GALNS: variants seen among roughly 807,000 people sequenced by gnomAD.
GALNS encodes N-acetylgalactosamine-6-sulfatase.
A neutral mutation model predicts 65.9 loss-of-function variants in GALNS; 65 were observed. The observed-to-expected ratio is 0.99, with a 90% CI of 0.81 to 1.21. GALNS has a LOEUF of 1.21. Ranked by LOEUF, GALNS falls within the 50% of genes most tolerant of loss-of-function variation. The pLI, the probability that GALNS is intolerant of heterozygous loss-of-function variation, is 0.00. For synonymous variants in GALNS, 346 were observed against 288.9 expected, an observed-to-expected ratio of 1.20 and a Z score of -2.00; for missense variants, 776 against 700.7, an observed-to-expected ratio of 1.11 and a Z score of -1.21.
intron 6 of GALNS, among the ~76,000 whole-genome samples, 169 bp downstream of exon 6, chr16:88,836,032 T>C (rs986329286): frequency 5.3e-5 from 8 of 150,434 alleles, no homozygotes; most frequent in Non-Finnish European, 1.2e-4. Context: ...GATGGTGCGG[T>C]CCCCGTCCCC....
chr16:88,832,622 A>G (rs1195789034), intron 8 of GALNS, among the ~76,000 whole-genome samples: 2 of 152,154 alleles, frequency 1.3e-5, no homozygotes, highest in Admixed American at 6.5e-5. Context: ...AGGCCATCTC[A>G]GGTGACTACA....
intron 1 of GALNS, among the ~76,000 whole-genome samples, chr16:88,850,911 G>T (rs978687705): frequency 1.3e-5 from 2 of 152,246 alleles, no homozygotes; most frequent in African/African-American, 2.4e-5. Context: ...AAGGTGAGCT[G>T]CTCCTATCAG....
At chr16:88,845,817 C>A (rs1446035449) in intron 1 of GALNS, among the ~76,000 whole-genome samples, 1 of 150,296 alleles carries the variant, frequency 6.7e-6, no homozygotes, top group Non-Finnish European at 1.5e-5. Context: ...CACAGCAAGA[C>A]TCCAACTCTA....
In GALNS at chr16:88,842,819, C is replaced by T. The variant is rs1237852382; in HGVS notation, c.131G>A (p.Gly44Asp). 24 of 1,613,300 alleles carry T rather than the reference C, an allele frequency of 1.5e-5. No individual in the cohort carries two copies. Among genetic ancestry groups the T allele is most frequent in the Non-Finnish European group, 1.9e-5 (22 of 1,179,990 alleles). ...GGGCTCTCCATACACCCCGAGGTCA[C>T]CCCATCCCATCTGCAGGGAAGAGCA... is the stretch of plus-strand genomic sequence containing the variant. ...LLLLMDDMGWGDLGVYGEPSR... is the reference protein window; with the variant it reads ...LLLLMDDMGWDDLGVYGEPSR... Residue 44 changes from glycine (G) to aspartate (D), a missense_variant, in exon 2 of 14, where the codon GGT becomes GAT. Coordinates refer to ENST00000268695, the MANE Select transcript of GALNS (RefSeq NM_000512.5).
At chr16:88,842,079 G>A (rs572723394) in intron 2 of GALNS, 108 bp from the exon 3 acceptor site, 54 of 1,000,472 alleles carry the variant, frequency 5.4e-5, no homozygotes, top group African/African-American at 4.2e-4. Context: ...GACGAGGCAC[G>A]CGCAGGTTTA....
At position 88,814,152 on chromosome 16, in the gene GALNS, A is replaced by AT; in HGVS notation, c.*286dup. ...CAAAATAAACTGAGACTGGTCTCAG[A>AT]TATTTGGGGTTCACAAAGGCGTGAG... On this transcript the variant is annotated 3_prime_UTR_variant, in exon 14 of 14. Transcript: ENST00000268695. 1 of 526,436 alleles carries AT rather than the reference A, an allele frequency of 1.9e-6. No homozygotes were observed. The allele number at this position is 526,436 out of a possible 1,614,324, so 32.6% of individuals were successfully genotyped here.
At chr16:88,839,251 C>T (rs1015200397) in intron 4 of GALNS, among the ~76,000 whole-genome samples, 2 of 145,498 alleles carry the variant, frequency 1.4e-5, no homozygotes, top group East Asian at 2.0e-4. Context: ...CGCCCACGTC[C>T]GCAGGTCACC....
At chr16:88,823,699 C>T (rs1306631969) in intron 11 of GALNS, among the ~76,000 whole-genome samples, 1 of 127,134 alleles carries the variant, frequency 7.9e-6, no homozygotes. Context: ...GCGGCAATGC[C>T]GGGGACCGAT....
In GALNS at chr16:88,815,169, AC is replaced by A. The variant is rs1909494494; in HGVS notation, c.1483-645del. On this transcript the variant is annotated intron_variant, in intron 13 of 13. Transcript: ENST00000268695. ...GAATCATGGGAACTTGGGAGATGGC[AC>A]CCTCTTGACTCGGCCTCTCAGCTCT... is the stretch of plus-strand genomic sequence containing the variant. 3.0e-6 allele frequency: 3 copies of A among 985,454 alleles called. No homozygotes were observed. The African/African-American group carries it at 5.2e-5, about 17-fold the overall frequency. 61.0% of individuals were successfully genotyped at this position (985,454 alleles called of 1,614,324 possible).
In GALNS at chr16:88,843,315, T is replaced by C. The variant is rs181418727; in HGVS notation, c.121-486A>G. 8.2e-5 allele frequency: 66 copies of C among 803,330 alleles called. No homozygotes were observed. In the African/African-American group the frequency reaches 1.1e-3, roughly 14 times the overall value. The allele number at this position is 803,330 out of a possible 1,614,324, so 49.8% of individuals were successfully genotyped here. A position where few individuals can be genotyped will look rare whatever the true frequency, so the allele number is the denominator to read the frequency against. ...ATCGTGTGACCCTGCAGTTCCACGC[T>C]GCAACTCCACTCCTAGCTGTACACC... On this transcript the variant is annotated intron_variant, in intron 1 of 13. Transcript: ENST00000268695.
At position 88,854,960 on chromosome 16, in the gene GALNS, G is replaced by C. The variant is rs143562534; in HGVS notation, c.120+1798C>G. ...TGGAGGCCACAGAACAGGTGCCCAG[G>C]TGGGCGGGGCTTCCTGTCACCCTCC... On this transcript the variant is annotated intron_variant, in intron 1 of 13. Transcript: ENST00000268695. Among the ~76,000 whole-genome samples the C allele has an allele frequency of 2.1e-3, 322 of 152,306 alleles. 3 individuals carry two copies. Among genetic ancestry groups the C allele is most frequent in the African/African-American group, 7.5e-3 (311 of 41,572 alleles).
chr16:88,825,225 T>C (rs1340222528), intron 10 of GALNS, among the ~76,000 whole-genome samples: 1 of 96,012 alleles, frequency 1.0e-5, no homozygotes, highest in Admixed American at 1.1e-4. Context: ...GGCGCCTGGG[T>C]GTCTGGGGCT....
At chr16:88,817,848 A>C (rs1909793501) in intron 13 of GALNS, among the ~76,000 whole-genome samples, 159 bp downstream of exon 13, 1 of 152,042 alleles carries the variant, frequency 6.6e-6, no homozygotes, top group South Asian at 2.1e-4. Context: ...CGAATCCCGG[A>C]CGCCGCCGCG....
chr16:88,853,080 G>A (rs867346295), intron 1 of GALNS, among the ~76,000 whole-genome samples: 2 of 151,778 alleles, frequency 1.3e-5, no homozygotes, highest in African/African-American at 2.4e-5. Flanking sequence ...GTGAAACCCC[G>A]TCTCCACTAG....
At chr16:88,824,590 C>A (rs576186390) in intron 11 of GALNS, among the ~76,000 whole-genome samples, 177 bp downstream of exon 11, 1 of 152,290 alleles carries the variant, frequency 6.6e-6, no homozygotes, top group South Asian at 2.1e-4. Context: ...TCCAGCCTGT[C>A]AGCTGCCATG....
chr16:88,822,192 A>G (rs1277468242), intron 12 of GALNS, among the ~76,000 whole-genome samples: 5 of 152,130 alleles, frequency 3.3e-5, no homozygotes. Flanking sequence ...GACAAGGCCC[A>G]GAGAGCAGAG....
intron 9 of GALNS, among the ~76,000 whole-genome samples, chr16:88,829,729 C>T (rs11076720): frequency 0.22 from 33,200 of 152,262 alleles, 4,384 homozygotes; most frequent in East Asian, 0.54. Context: ...ACGACTTCCT[C>T]TCTGGCCTCA....
chr16:88,823,263 G>A (rs1942570547), intron 11 of GALNS, among the ~76,000 whole-genome samples: 1 of 152,208 alleles, frequency 6.6e-6, no homozygotes, highest in South Asian at 2.1e-4. Context: ...ACCAACATGT[G>A]AAAGGCAAGA....
intron 6 of GALNS, 108 bp downstream of exon 6, chr16:88,836,093 C>G (rs1421226950): frequency 6.8e-6 from 8 of 1,170,116 alleles, no homozygotes; most frequent in Non-Finnish European, 9.9e-6. Context: ...ATGCCTCCCA[C>G]GGGGTGAGGT....
Sources: allele counts gnomAD v4.1 joint callset (sites outside exome capture counted in the v4.1 genomes callset), GRCh38; gene constraint gnomAD v4.1.1; transcripts MANE v1.5; gene names NCBI Gene and HGNC (gene_info 2026-07-23, HGNC 2026-07-21).